PCNX2: variants seen among roughly 807,000 people sequenced by gnomAD.
The protein encoded by PCNX2 is pecanex-like protein 2.
In PCNX2, 168 loss-of-function variants were observed where a neutral mutation model predicts 223.8. That is an observed-to-expected ratio of 0.75 (90% CI 0.66 to 0.85). The LOEUF (loss-of-function observed/expected upper bound fraction) is 0.85, where lower values mean the gene tolerates loss of function less well. PCNX2 is among the 40% of genes least tolerant of loss of function. The pLI, the probability that PCNX2 is intolerant of heterozygous loss-of-function variation, is 0.00. For synonymous variants in PCNX2, 1,006 were observed against 1,052.6 expected, an observed-to-expected ratio of 0.96 and a Z score of 0.86; for missense variants, 2,507 against 2,675.5, an observed-to-expected ratio of 0.94 and a Z score of 1.39.
intron 15 of PCNX2, among the ~76,000 whole-genome samples, chr1:233,187,861 T>C (rs1680193240): frequency 1.3e-5 from 2 of 152,180 alleles, no homozygotes; most frequent in African/African-American, 4.8e-5. Context: ...CTCTTGCAGC[T>C]AGAAATGATA....
chr1:233,011,182 G>T (rs962265245), intron 28 of PCNX2, among the ~76,000 whole-genome samples: 1 of 152,134 alleles, frequency 6.6e-6, no homozygotes, highest in Non-Finnish European at 1.5e-5. Flanking sequence ...ATCCATCATT[G>T]TATAAAAACA....
chr1:233,219,713 C>T (rs1657255059), intron 10 of PCNX2, among the ~76,000 whole-genome samples: 1 of 152,072 alleles, frequency 6.6e-6, no homozygotes, highest in African/African-American at 2.4e-5. Flanking sequence ...CCACATAGCC[C>T]CTCCCCACAG....
At chr1:233,290,841 GAA>G (rs1661718758) in intron 1 of PCNX2, 1 of 985,288 alleles carries the variant, frequency 1.0e-6, no homozygotes, top group African/African-American at 1.7e-5. Context: ...GCCATAGAAC[GAA>G]AGACAGGCTT....
chr1:233,057,799 G>A (rs1468936151), intron 23 of PCNX2: 5 of 842,968 alleles, frequency 5.9e-6, no homozygotes, highest in Middle Eastern at 5.9e-4. Flanking sequence ...GGCCGAGGTC[G>A]CAGTGAGCCG....
chr1:233,029,087 C>G (rs1358576960), intron 25 of PCNX2, among the ~76,000 whole-genome samples: 1 of 152,144 alleles, frequency 6.6e-6, no homozygotes, highest in Non-Finnish European at 1.5e-5. Context: ...ATCCACCCAC[C>G]TTGGCCTCCC....
intron 1 of PCNX2, among the ~76,000 whole-genome samples, chr1:233,276,863 C>G (rs1297021066): frequency 1.3e-5 from 2 of 152,246 alleles, no homozygotes; most frequent in South Asian, 4.1e-4. Flanking sequence ...AGAACTGTGA[C>G]TGCAACAGGC....
intron 12 of PCNX2, chr1:233,211,828 T>G: frequency 1.0e-6 from 1 of 984,958 alleles, no homozygotes; most frequent in Non-Finnish European, 1.2e-6. Context: ...GTGAAGCAAA[T>G]TCGGAGAATG....
chr1:233,142,792 G>T (rs759440757), intron 19 of PCNX2, among the ~76,000 whole-genome samples: 2 of 151,916 alleles, frequency 1.3e-5, no homozygotes, highest in African/African-American at 4.8e-5. Flanking sequence ...CTTTTCTGAC[G>T]CATAAAACAT....
intron 17 of PCNX2, among the ~76,000 whole-genome samples, chr1:233,177,279 T>C (rs1289639196): frequency 6.6e-6 from 1 of 152,222 alleles, no homozygotes. Context: ...CATAGCCTGA[T>C]CCTCTTCCTT....
At chr1:233,040,123 T>TC (rs377299867) in intron 25 of PCNX2, among the ~76,000 whole-genome samples, 27 of 152,314 alleles carry the variant, frequency 1.8e-4, no homozygotes, top group African/African-American at 5.8e-4. Context: ...TCATTGTTTT[T>TC]CTCCTGCTTT....
chr1:233,260,429 G>T (rs962566018), intron 4 of PCNX2, among the ~76,000 whole-genome samples: 2 of 152,182 alleles, frequency 1.3e-5, no homozygotes, highest in African/African-American at 4.8e-5. Flanking sequence ...GTATGTGCTT[G>T]TATATGTGTA....
chr1:233,250,229 G>A (rs1390332709), intron 8 of PCNX2, among the ~76,000 whole-genome samples: 1 of 151,828 alleles, frequency 6.6e-6, no homozygotes, highest in Admixed American at 6.6e-5. Flanking sequence ...ATCATCGTAT[G>A]TCCCAGATAT....
In PCNX2 at chr1:233,014,656, C is replaced by T; in HGVS notation, c.4952+9G>A. On this transcript the variant is annotated intron_variant, in intron 28 of 33. Coordinates refer to ENST00000258229, the MANE Select transcript of PCNX2 (RefSeq NM_014801.4). ...TACCTAAGAGATTCTAACTTCTCCC[C>T]CCAGGTACCTGATGGCCATATTGTG... 1 of 1,611,550 alleles carries T rather than the reference C, an allele frequency of 6.2e-7. No individual in the cohort carries two copies. The highest frequency in any genetic ancestry group is 8.5e-7 in the Non-Finnish European group (1 of 1,177,724).
chr1:233,320,612 G>A, the PCNX2 span, among the ~76,000 whole-genome samples: 1 of 152,156 alleles, frequency 6.6e-6, no homozygotes, highest in Non-Finnish European at 1.5e-5. Context: ...CCATAAAAAA[G>A]TAGTAGTCGC....
In PCNX2 at chr1:233,258,255, C is replaced by A; in HGVS notation, c.1607G>T (p.Gly536Val). 1 of 1,613,972 alleles carries A rather than the reference C, an allele frequency of 6.2e-7. No individual in the cohort carries two copies. Among genetic ancestry groups the A allele is most frequent in the Non-Finnish European group, 8.5e-7 (1 of 1,179,894 alleles). ...ACTTTTACTCAAGAAGACATCTGTC[C>A]CACTGTCCACACTGAGCACCCGGGC... ...RHARVLSVDS[G>V]TDVFLSKSSA... is the part of the protein sequence containing the mutation. Residue 536 changes from glycine to valine, a missense_variant, in exon 5 of 34, where the codon GGG becomes GTG. This residue lies in a region of PCNX2 where 1,031 missense variants were observed against 1,021.7 expected (regional missense o/e 1.01). Coordinates refer to ENST00000258229, the MANE Select transcript of PCNX2 (RefSeq NM_014801.4).
intron 21 of PCNX2, among the ~76,000 whole-genome samples, chr1:233,125,032 A>G (rs1482117623): frequency 1.3e-5 from 2 of 151,608 alleles, no homozygotes; most frequent in Non-Finnish European, 3.0e-5. Context: ...TACTAAGGGC[A>G]CTAAAGAAAG....
chr1:233,173,647 A>G (rs985926599), intron 17 of PCNX2, among the ~76,000 whole-genome samples: 1 of 152,226 alleles, frequency 6.6e-6, no homozygotes, highest in African/African-American at 2.4e-5. Context: ...CATTAGAAAG[A>G]ATTGGCATTT....
At chr1:233,314,518 A>C in the PCNX2 span, among the ~76,000 whole-genome samples, 1 of 152,210 alleles carries the variant, frequency 6.6e-6, no homozygotes, top group East Asian at 1.9e-4. Context: ...TATGGAGGCA[A>C]CTGATCAAGA....
chr1:233,294,080 T>C, intron 1 of PCNX2: 2 of 734,934 alleles, frequency 2.7e-6, no homozygotes, highest in Non-Finnish European at 3.3e-6. Context: ...GTGGTGATTG[T>C]GATGATCACA....
Sources: allele counts gnomAD v4.1 joint callset (sites outside exome capture counted in the v4.1 genomes callset), GRCh38; gene constraint gnomAD v4.1.1; regional missense constraint gnomAD v4.1.1; transcripts MANE v1.5; gene names NCBI Gene and HGNC (gene_info 2026-07-23, HGNC 2026-07-21).